The following RUNX1 variants were observed in gnomAD, a reference collection of about 807,000 sequenced individuals.
RUNX1 encodes the protein RUNX family transcription factor 1.
In RUNX1, 19 loss-of-function variants were observed where a neutral mutation model predicts 42.8. The ratio of observed to expected loss-of-function variants is 0.44; its 90% CI spans 0.31 to 0.65. The LOEUF (loss-of-function observed/expected upper bound fraction) is 0.65, where lower values mean the gene tolerates loss of function less well. Among genes scored for constraint, RUNX1 ranks in the 30% least tolerant of loss-of-function variants. RUNX1 has a pLI of 0.07. For synonymous variants in RUNX1, 271 were observed against 289.4 expected, an observed-to-expected ratio of 0.94 and a Z score of 0.64; for missense variants, 528 against 672.0, an observed-to-expected ratio of 0.79 and a Z score of 2.37.
At chr21:34,997,337 TA>T (rs201696426) in intron 2 of RUNX1, among the ~76,000 whole-genome samples, 3 of 150,980 alleles carry the variant, frequency 2.0e-5, no homozygotes, top group Non-Finnish European at 3.0e-5. Context: ...AAATTCACAA[TA>T]AAAAAAAATA....
chr21:34,802,751 G>A (rs2145921490), intron 7 of RUNX1, among the ~76,000 whole-genome samples: 1 of 152,268 alleles, frequency 6.6e-6, no homozygotes, highest in East Asian at 1.9e-4. Context: ...CCTCTGAGAG[G>A]AGGAGACTAG....
chr21:34,997,592 T>C (rs1006323439), intron 2 of RUNX1, among the ~76,000 whole-genome samples: 2 of 152,216 alleles, frequency 1.3e-5, no homozygotes, highest in South Asian at 2.1e-4. Context: ...TCAGCTTCAA[T>C]AGATGATAGA....
chr21:34,901,933 T>G lies in RUNX1; in HGVS notation c.59-8970A>C, dbSNP rs2058180837. Reference sequence around the variant, plus strand: ...CAGAGTCTATAAAGTTGCTAATACTTCTGGAGTCTGCTTTCTTTTGTAATC... The same window carrying G: ...CAGAGTCTATAAAGTTGCTAATACTGCTGGAGTCTGCTTTCTTTTGTAATC... On this transcript the variant is annotated intron_variant, in intron 2 of 8. Transcript: ENST00000675419. This position sits in a 1 kb window ranked among gnomAD's most constrained non-coding sequence, Gnocchi z 4.3. Among the ~76,000 whole-genome samples, 1 of 152,218 alleles carries G rather than the reference T, an allele frequency of 6.6e-6. No homozygotes were observed. The highest frequency in any genetic ancestry group is 1.5e-5 in the Non-Finnish European group (1 of 68,046).
chr21:35,008,405 G>C (rs563892792), intron 2 of RUNX1, among the ~76,000 whole-genome samples: 1 of 152,276 alleles, frequency 6.6e-6, no homozygotes, highest in South Asian at 2.1e-4. Flanking sequence ...CATTTGGAAG[G>C]TGTTCAATAC....
chr21:34,871,708 G>A (rs1343484914), intron 5 of RUNX1, among the ~76,000 whole-genome samples: 2 of 152,206 alleles, frequency 1.3e-5, no homozygotes, highest in South Asian at 2.1e-4. Flanking sequence ...TCCTGTGGGC[G>A]GCAAACCCAC....
At chr21:35,033,921 TAA>T (rs2059289515) in intron 2 of RUNX1, among the ~76,000 whole-genome samples, 1 of 152,228 alleles carries the variant, frequency 6.6e-6, no homozygotes, top group African/African-American at 2.4e-5. Flanking sequence ...CCAATAATTT[TAA>T]AAGAGTTAAG....
At chr21:34,914,530 C>T (rs1020203305) in intron 2 of RUNX1, among the ~76,000 whole-genome samples, 10 of 152,098 alleles carry the variant, frequency 6.6e-5, no homozygotes, top group Non-Finnish European at 1.3e-4. Flanking sequence ...GCATTTCTTC[C>T]CCACTTCTGG....
At chr21:34,797,088 A>G (rs2056540187) in intron 8 of RUNX1, among the ~76,000 whole-genome samples, 1 of 152,170 alleles carries the variant, frequency 6.6e-6, no homozygotes. Context: ...GGTTTATGAC[A>G]ACACTTTTCA....
chr21:35,004,062 A>G (rs577663339), intron 2 of RUNX1, among the ~76,000 whole-genome samples: 8 of 152,292 alleles, frequency 5.3e-5, no homozygotes, highest in African/African-American at 1.9e-4. Flanking sequence ...AACCTTTTCC[A>G]CCACCATTTA....
intron 6 of RUNX1, among the ~76,000 whole-genome samples, chr21:34,842,492 C>CA (rs371971118): frequency 0.61 from 31,990 of 52,488 alleles, 7,965 homozygotes; most frequent in South Asian, 0.79. Flanking sequence ...GAGACCTCTC[C>CA]AAAAAAAAAA....
At chr21:34,799,140 C>A (rs559734771) in intron 8 of RUNX1, among the ~76,000 whole-genome samples, 161 bp downstream of exon 8, 2 of 152,224 alleles carry the variant, frequency 1.3e-5, no homozygotes, top group Non-Finnish European at 2.9e-5. Flanking sequence ...TCTTATGTAT[C>A]CAAGAAAATC....
intron 6 of RUNX1, among the ~76,000 whole-genome samples, chr21:34,847,621 C>A (rs1005427672): frequency 1.3e-5 from 2 of 152,152 alleles, no homozygotes; most frequent in African/African-American, 4.8e-5. Flanking sequence ...TTATTCCCAT[C>A]TTATAGATGA....
intron 3 of RUNX1, among the ~76,000 whole-genome samples, chr21:34,891,320 C>G (rs1399750234): frequency 6.6e-6 from 1 of 152,204 alleles, no homozygotes; most frequent in Non-Finnish European, 1.5e-5. Context: ...AGCTTTTGCT[C>G]CTTGACTCGA....
At chr21:34,894,103 G>T (rs993200109) in intron 2 of RUNX1, among the ~76,000 whole-genome samples, 4 of 152,154 alleles carry the variant, frequency 2.6e-5, no homozygotes, top group African/African-American at 7.2e-5. Flanking sequence ...GATAAGGTAA[G>T]AAATAATAAA....
intron 2 of RUNX1, among the ~76,000 whole-genome samples, chr21:34,982,759 G>A (rs1203841708): frequency 3.3e-5 from 5 of 152,074 alleles, no homozygotes; most frequent in South Asian, 2.1e-4. Flanking sequence ...TAGTAGAGAC[G>A]GGGTTTCACC....
chr21:34,880,787 A>T, intron 4 of RUNX1, 74 bp from the exon 5 acceptor site: 1 of 1,443,726 alleles, frequency 6.9e-7, no homozygotes, highest in Non-Finnish European at 9.7e-7. Context: ...TTGTGTAGTG[A>T]TTATTCTAAA....
chr21:34,842,074 G>A (rs1019146846), intron 6 of RUNX1, among the ~76,000 whole-genome samples: 1 of 152,264 alleles, frequency 6.6e-6, no homozygotes, highest in Admixed American at 6.5e-5. Flanking sequence ...ACTAGGTTGT[G>A]GGAAAGCAGA....
intron 2 of RUNX1, among the ~76,000 whole-genome samples, chr21:34,909,609 G>T (rs1050667829): frequency 5.0e-5 from 5 of 99,328 alleles, no homozygotes; most frequent in East Asian, 2.4e-4. Context: ...AAAAAAAAAA[G>T]ATGGTGTTCT....
At chr21:34,860,037 C>G (rs1398327320) in intron 5 of RUNX1, among the ~76,000 whole-genome samples, 1 of 152,158 alleles carries the variant, frequency 6.6e-6, no homozygotes, top group Non-Finnish European at 1.5e-5. Flanking sequence ...AGTTTGAAAA[C>G]AGGCTAAATT....
Sources: gnomAD v4.1 joint callset for allele counts (sites outside exome capture counted in the v4.1 genomes callset) on GRCh38, gnomAD v4.1.1 for gene constraint, Gnocchi (gnomAD v3.1) non-coding constraint, MANE v1.5 for transcripts, NCBI Gene and HGNC (gene_info 2026-07-23, HGNC 2026-07-21) for gene names.